Variants in NKAIN3 observed in about 807,000 individuals in gnomAD.
NKAIN3 encodes sodium/potassium transporting ATPase interacting 3, also known as sodium/potassium-transporting ATPase subunit beta-1-interacting protein 3.
In NKAIN3, 25 loss-of-function variants were observed where a neutral mutation model predicts 30.2. That is an observed-to-expected ratio of 0.83 (90% CI 0.60 to 1.16). NKAIN3 has a LOEUF of 1.16. Ranked by LOEUF, NKAIN3 falls within the 50% of genes most tolerant of loss-of-function variation. The pLI is 0.00. For missense variants in NKAIN3, 225 were observed against 254.1 expected, an observed-to-expected ratio of 0.89 and a Z score of 0.78; for synonymous variants, 91 against 89.6, an observed-to-expected ratio of 1.02 and a Z score of -0.09.
At chr8:62,938,803 G>A (rs982791578) in intron 5 of NKAIN3, among the ~76,000 whole-genome samples, 3 of 152,118 alleles carry the variant, frequency 2.0e-5, no homozygotes, top group Admixed American at 6.5e-5. Flanking sequence ...AAATGAGAAG[G>A]AACCAGAAGA....
At chr8:62,355,711 C>G (rs1585716710) in intron 1 of NKAIN3, among the ~76,000 whole-genome samples, 1 of 152,156 alleles carries the variant, frequency 6.6e-6, no homozygotes, top group Admixed American at 6.5e-5. Context: ...TGAAATTGCT[C>G]TTTCTCCCGT....
intron 1 of NKAIN3, among the ~76,000 whole-genome samples, chr8:62,411,151 C>T (rs1233834406): frequency 6.6e-6 from 1 of 152,098 alleles, no homozygotes; most frequent in East Asian, 1.9e-4. Flanking sequence ...AAATCTTCAA[C>T]AAAATTCTAG....
At chr8:62,440,701 T>TG (rs1805298211) in intron 1 of NKAIN3, among the ~76,000 whole-genome samples, 3 of 118,694 alleles carry the variant, frequency 2.5e-5, no homozygotes, top group Non-Finnish European at 6.2e-5. Flanking sequence ...TCTTCTTCTT[T>TG]ATTTTTTTTT....
At chr8:62,523,324 AAC>A (rs955121723) in intron 1 of NKAIN3, among the ~76,000 whole-genome samples, 2 of 152,144 alleles carry the variant, frequency 1.3e-5, no homozygotes, top group Non-Finnish European at 2.9e-5. Flanking sequence ...ACTGTCTAAT[AAC>A]ACATTTCTCA....
intron 1 of NKAIN3, among the ~76,000 whole-genome samples, chr8:62,394,497 A>C (rs1817669222): frequency 6.8e-6 from 1 of 148,100 alleles, no homozygotes. Flanking sequence ...TTTTTAATTT[A>C]AAAGTAAACT....
At chr8:62,526,132 A>G (rs947085683) in intron 1 of NKAIN3, among the ~76,000 whole-genome samples, 6 of 152,146 alleles carry the variant, frequency 3.9e-5, no homozygotes, top group African/African-American at 1.4e-4. Context: ...AAACTATGGA[A>G]TGAGAGAAGG....
intron 1 of NKAIN3, among the ~76,000 whole-genome samples, chr8:62,353,168 T>C (rs1218822043): frequency 6.6e-6 from 1 of 152,160 alleles, no homozygotes; most frequent in Non-Finnish European, 1.5e-5. Context: ...GGGTTAGTCA[T>C]GCAGTGGTAC....
At chr8:62,809,190 A>G (rs1383481159) in intron 4 of NKAIN3, among the ~76,000 whole-genome samples, 1 of 152,094 alleles carries the variant, frequency 6.6e-6, no homozygotes, top group Non-Finnish European at 1.5e-5. Context: ...TTCCTTTTTC[A>G]AGGTGCCCAG....
chr8:62,501,849 A>G (rs1807464077), intron 1 of NKAIN3, among the ~76,000 whole-genome samples: 1 of 152,202 alleles, frequency 6.6e-6, no homozygotes, highest in Non-Finnish European at 1.5e-5. Flanking sequence ...TTCAGTGACC[A>G]TCCTGGGTAT....
At chr8:62,899,795 A>G (rs1247725299) in intron 4 of NKAIN3, among the ~76,000 whole-genome samples, 1 of 152,186 alleles carries the variant, frequency 6.6e-6, no homozygotes, top group Non-Finnish European at 1.5e-5. Flanking sequence ...TGGATACCCC[A>G]TTTTACATGA....
rs116468402 is a variant in NKAIN3, at chr8:62,598,614, G to A, written c.273+8820G>A. Among the ~76,000 whole-genome samples the A allele has an allele frequency of 3.5e-3, 539 of 152,106 alleles. 2 individuals are homozygous for A. The highest frequency in any genetic ancestry group is 0.011 in the African/African-American group (473 of 41,530). On this transcript the variant is annotated intron_variant, in intron 3 of 6. Coordinates refer to ENST00000623646, the MANE Select transcript of NKAIN3 (RefSeq NM_001304533.3). Reference sequence around the variant, plus strand: ...ATAGGGGCAGTGCAGATGCATTCCCGCGGGTTCTGTCTCTCTCCTTAGACC... The same window carrying A: ...ATAGGGGCAGTGCAGATGCATTCCCACGGGTTCTGTCTCTCTCCTTAGACC...
intron 3 of NKAIN3, among the ~76,000 whole-genome samples, chr8:62,611,428 C>A (rs1406914887): frequency 6.6e-6 from 1 of 152,106 alleles, no homozygotes; most frequent in Non-Finnish European, 1.5e-5. Context: ...TACTCATTAA[C>A]CATCCCCACT....
chr8:62,362,775 A>G (rs1816606476), intron 1 of NKAIN3, among the ~76,000 whole-genome samples: 1 of 152,248 alleles, frequency 6.6e-6, no homozygotes, highest in Admixed American at 6.5e-5. Flanking sequence ...AGAGACTCCA[A>G]GGATGCCTCA....
At chr8:62,816,369 C>T (rs72653270) in intron 4 of NKAIN3, among the ~76,000 whole-genome samples, 103 of 152,224 alleles carry the variant, frequency 6.8e-4, no homozygotes, top group Non-Finnish European at 1.2e-3. Context: ...TATGGCTTTG[C>T]TAAGTTGTGC....
chr8:62,961,412 A>G (rs1476399085), intron 6 of NKAIN3, among the ~76,000 whole-genome samples: 2 of 152,202 alleles, frequency 1.3e-5, no homozygotes, highest in African/African-American at 4.8e-5. Context: ...CTATAGAAAT[A>G]CAAGAATAGT....
chr8:62,802,307 C>T (rs1818095242), intron 4 of NKAIN3, among the ~76,000 whole-genome samples: 1 of 152,090 alleles, frequency 6.6e-6, no homozygotes. Context: ...AACTCCAAGA[C>T]ACGTAGTTGT....
chr8:62,521,338 T>C (rs559027317), intron 1 of NKAIN3, among the ~76,000 whole-genome samples: 9 of 152,148 alleles, frequency 5.9e-5, no homozygotes, highest in Non-Finnish European at 1.2e-4. Flanking sequence ...ACTAGTGCTA[T>C]AGAGTTTTCA....
At chr8:62,836,613 T>G (rs1819372403) in intron 4 of NKAIN3, among the ~76,000 whole-genome samples, 1 of 152,108 alleles carries the variant, frequency 6.6e-6, no homozygotes, top group Non-Finnish European at 1.5e-5. Flanking sequence ...TCTTGTCAAG[T>G]AGGTAGAATT....
At chr8:62,571,341 G>A (rs1166260360) in intron 1 of NKAIN3, among the ~76,000 whole-genome samples, 1 of 152,066 alleles carries the variant, frequency 6.6e-6, no homozygotes, top group Non-Finnish European at 1.5e-5. Flanking sequence ...TCACCATGAT[G>A]GCCAGTCATG....
Sources: allele counts gnomAD v4.1 joint callset (sites outside exome capture counted in the v4.1 genomes callset), GRCh38; gene constraint gnomAD v4.1.1; transcripts MANE v1.5; gene names NCBI Gene and HGNC (gene_info 2026-07-23, HGNC 2026-07-21).